The following BZW2 variants were observed in gnomAD, a reference collection of about 807,000 sequenced individuals.
BZW2 encodes basic leucine zipper and W2 domains 2.
A neutral mutation model predicts 53.2 loss-of-function variants in BZW2; 23 were observed. The ratio of observed to expected loss-of-function variants is 0.43; its 90% confidence interval spans 0.31 to 0.61. The LOEUF (loss-of-function observed/expected upper bound fraction) is 0.61, where lower values mean the gene tolerates loss of function less well. Among genes scored for constraint, BZW2 ranks in the 20% least tolerant of loss-of-function variants. BZW2 has a pLI of 0.09. For synonymous variants in BZW2, 227 were observed against 186.4 expected (o/e 1.22, Z -1.77); for missense variants, 409 against 503.1 (o/e 0.81, Z 1.79).
At chr7:16,679,560 T>G (rs1008146091) in intron 3 of BZW2, among the ~76,000 whole-genome samples, 5 of 152,234 alleles carry the variant, frequency 3.3e-5, no homozygotes, top group African/African-American at 1.2e-4. Flanking sequence ...AAGGAAAGTA[T>G]AACTTGATTG....
rs768435276 is a variant in BZW2, at chr7:16,685,887, T to TC, written c.406-18_406-17insC. 2 of 1,466,864 alleles carry TC rather than the reference T, an allele frequency of 1.4e-6. No individual in the cohort carries two copies. The highest frequency in any genetic ancestry group is 1.8e-6 in the Non-Finnish European group (2 of 1,118,864). The allele number at this position is 1,466,864 out of a possible 1,614,324, so 90.9% of individuals were successfully genotyped here. A position where few individuals can be genotyped will look rare whatever the true frequency, so the allele number is the denominator to read the frequency against. On this transcript the variant is annotated splice_polypyrimidine_tract_variant and intron_variant, in intron 5 of 11. Transcript: ENST00000258761. ...TTCTTTTTCTTTTTCTTTTTTTTTT[T>TC]TTTTTTTTGACCCACAGCTTCTCCT... is the stretch of plus-strand genomic sequence containing the variant.
At chr7:16,657,225 C>G (rs1470498448) in intron 1 of BZW2, among the ~76,000 whole-genome samples, 1 of 152,078 alleles carries the variant, frequency 6.6e-6, no homozygotes, top group Non-Finnish European at 1.5e-5. Flanking sequence ...AAAATATAGA[C>G]AAGTATAGGT....
chr7:16,672,793 G>A (rs1782645033), intron 2 of BZW2, among the ~76,000 whole-genome samples: 1 of 152,072 alleles, frequency 6.6e-6, no homozygotes, highest in Non-Finnish European at 1.5e-5. Flanking sequence ...CTTCCACAAG[G>A]TTTTGCTAGA....
chr7:16,696,141 G>A (rs3807485), intron 8 of BZW2: 45,447 of 151,296 alleles, frequency 0.3, 7,502 homozygotes, highest in Admixed American at 0.44. Flanking sequence ...AAAAGGGAGG[G>A]AAAAAAAAGG....
chr7:16,695,382 G>A (rs1187116165), intron 8 of BZW2, among the ~76,000 whole-genome samples: 2 of 152,104 alleles, frequency 1.3e-5, no homozygotes, highest in East Asian at 3.9e-4. Context: ...TCTAGTGTTT[G>A]GAATTAACAC....
intron 5 of BZW2, among the ~76,000 whole-genome samples, chr7:16,684,479 T>C (rs1218695339): frequency 1.3e-5 from 2 of 152,246 alleles, no homozygotes; most frequent in African/African-American, 2.4e-5. Flanking sequence ...TTTATGATGA[T>C]CTAATTTTTG....
intron 9 of BZW2, among the ~76,000 whole-genome samples, chr7:16,697,376 C>T (rs888532223): frequency 6.6e-6 from 1 of 152,316 alleles, no homozygotes; most frequent in Non-Finnish European, 1.5e-5. Context: ...AGGCATGAGC[C>T]ACCACGCCGG....
intron 6 of BZW2, among the ~76,000 whole-genome samples, chr7:16,688,148 G>A (rs189412092): frequency 6.1e-4 from 93 of 152,094 alleles, no homozygotes; most frequent in African/African-American, 2.2e-3. Context: ...TGGAAGACCT[G>A]GGTCAAATTG....
At chr7:16,666,187 TG>T (rs1363993503) in intron 2 of BZW2, among the ~76,000 whole-genome samples, 4 of 152,028 alleles carry the variant, frequency 2.6e-5, no homozygotes, top group Non-Finnish European at 5.9e-5. Flanking sequence ...CTCAAACACC[TG>T]GGCTCAAGTG....
chr7:16,698,288 A>G, intron 10 of BZW2, 102 bp downstream of exon 10: 1 of 1,444,188 alleles, frequency 6.9e-7, no homozygotes, highest in Non-Finnish European at 9.6e-7. Context: ...CTCTGTTTAG[A>G]GAGGGACAGC....
intron 5 of BZW2, 85 bp downstream of exon 5, chr7:16,682,930 G>C (rs1782995936): frequency 8.0e-6 from 7 of 871,906 alleles, no homozygotes; most frequent in East Asian, 3.1e-5. Flanking sequence ...GGACACGGTG[G>C]CTCACGCCTG....
In BZW2 at chr7:16,699,946, A is replaced by G. The variant is rs118115120; in HGVS notation, c.1108+1760A>G. 9.5e-3 allele frequency among the ~76,000 whole-genome samples: 1,445 copies of G among 152,256 alleles called. 9 individuals are homozygous for G. The highest frequency in any genetic ancestry group is 0.016 in the Non-Finnish European group (1,088 of 68,002). ...CAAGAAGTAAGCACTAGGAAGTAAA[A>G]AGAAGAGGCATGAGCTCTTAGGCTC... On this transcript the variant is annotated intron_variant, in intron 10 of 11. Transcript: ENST00000258761.
At chr7:16,683,964 A>G (rs1783036325) in intron 5 of BZW2, among the ~76,000 whole-genome samples, 1 of 152,174 alleles carries the variant, frequency 6.6e-6, no homozygotes, top group African/African-American at 2.4e-5. Flanking sequence ...TGTTTCTTAC[A>G]TGACCCATGA....
chr7:16,686,290 A>C, intron 6 of BZW2: 1 of 428,930 alleles, frequency 2.3e-6, no homozygotes, highest in Non-Finnish European at 4.1e-6. Context: ...ATAGCAAATT[A>C]AAATCTCATG....
At chr7:16,661,650 G>C (rs1782264209) in intron 1 of BZW2, among the ~76,000 whole-genome samples, 2 of 152,098 alleles carry the variant, frequency 1.3e-5, no homozygotes, top group South Asian at 4.1e-4. Flanking sequence ...GATCATTTTA[G>C]TATTCTTATC....
chr7:16,700,528 A>G (rs1488588662), intron 10 of BZW2, among the ~76,000 whole-genome samples: 1 of 152,184 alleles, frequency 6.6e-6, no homozygotes, highest in African/African-American at 2.4e-5. Context: ...AGAATTACCC[A>G]GAGAGCTTGT....
At chr7:16,700,987 G>T (rs1441068908) in intron 10 of BZW2, among the ~76,000 whole-genome samples, 1 of 152,092 alleles carries the variant, frequency 6.6e-6, no homozygotes, top group Non-Finnish European at 1.5e-5. Flanking sequence ...GATGATAGCA[G>T]AAACTTGGGC....
At chr7:16,696,615 C>G (rs1179702317) in intron 8 of BZW2, among the ~76,000 whole-genome samples, 1 of 152,222 alleles carries the variant, frequency 6.6e-6, no homozygotes, top group Non-Finnish European at 1.5e-5. Context: ...TATCCCTACT[C>G]TACTAGACTC....
chr7:16,649,088 G>A (rs1029458554), intron 1 of BZW2, among the ~76,000 whole-genome samples: 9 of 151,736 alleles, frequency 5.9e-5, no homozygotes, highest in East Asian at 1.9e-4. Context: ...CTCTTTTACC[G>A]CCCCCCTAAA....
Sources: allele counts gnomAD v4.1 joint callset (sites outside exome capture counted in the v4.1 genomes callset), GRCh38; gene constraint gnomAD v4.1.1; transcripts MANE v1.5; gene names NCBI Gene and HGNC (gene_info 2026-07-23, HGNC 2026-07-21).